Variants in PARPBP observed in about 807,000 individuals in gnomAD.
PARPBP encodes PARP1 binding protein, also known as PCNA-interacting partner.
PARPBP carries 52 observed loss-of-function variants against 50.0 expected under a neutral mutation model. The ratio of observed to expected loss-of-function variants is 1.04; its 90% CI spans 0.83 to 1.31. The LOEUF is 1.31. Among genes scored for constraint, PARPBP ranks in the 50% most tolerant of loss-of-function variants. The pLI, the probability that PARPBP is intolerant of heterozygous loss-of-function variation, is 0.00. For missense variants in PARPBP, 697 were observed against 672.0 expected, an observed-to-expected ratio of 1.04 and a Z score of -0.41; for synonymous variants, 244 against 232.1, an observed-to-expected ratio of 1.05 and a Z score of -0.47.
intron 9 of PARPBP, among the ~76,000 whole-genome samples, 188 bp from the exon 10 acceptor site, chr12:102,195,124 G>T (rs964925322): frequency 4.0e-5 from 6 of 151,500 alleles, no homozygotes; most frequent in Non-Finnish European, 8.9e-5. Flanking sequence ...GAACAAAAAT[G>T]CTAGCCATAA....
intron 2 of PARPBP, among the ~76,000 whole-genome samples, chr12:102,135,703 G>T (rs1883530584): frequency 6.6e-6 from 1 of 152,068 alleles, no homozygotes; most frequent in Non-Finnish European, 1.5e-5. Flanking sequence ...TATAAAGAGG[G>T]TATCTTTCAC....
intron 4 of PARPBP, among the ~76,000 whole-genome samples, chr12:102,162,923 G>C (rs887254432): frequency 6.6e-6 from 1 of 151,412 alleles, no homozygotes; most frequent in South Asian, 2.1e-4. Flanking sequence ...AGAACTCTTT[G>C]CCTTATTCCA....
In PARPBP at chr12:102,165,840, A is replaced by T. The variant is rs769110089; in HGVS notation, c.778A>T (p.Ile260Phe). The change falls in exon 6 of 11, where the codon ATT becomes TTT. Residue 260 changes from isoleucine (I) to phenylalanine (F), a missense_variant. Physicochemically the swap from Ile to Phe is conservative, Grantham distance 21 (BLOSUM62 0). Transcript: ENST00000327680. ...GGGATTGTCTAATTTTATTAATTTC[A>T]TTGACAAATTAGATGAGATTCTTGG... ...VKGLSNFINF[I>F]DKLDEILGEI... 3.8e-6 allele frequency: 6 copies of T among 1,580,650 alleles called. No individual in the cohort carries two copies. The highest frequency in any genetic ancestry group is 5.2e-6 in the Non-Finnish European group (6 of 1,151,072).
chr12:102,126,394 T>G (rs932030142), intron 2 of PARPBP, among the ~76,000 whole-genome samples: 4 of 152,214 alleles, frequency 2.6e-5, no homozygotes, highest in Non-Finnish European at 5.9e-5. Context: ...TTAAAAAAGT[T>G]TTTCTATTTT....
chr12:102,186,025 A>G (rs1206978523), intron 9 of PARPBP, among the ~76,000 whole-genome samples: 1 of 151,998 alleles, frequency 6.6e-6, no homozygotes, highest in Non-Finnish European at 1.5e-5. Flanking sequence ...TTATTTCTTC[A>G]TGGTTCAATC....
chr12:102,162,666 A>C (rs962678026), intron 4 of PARPBP, among the ~76,000 whole-genome samples: 2 of 152,066 alleles, frequency 1.3e-5, no homozygotes, highest in African/African-American at 4.8e-5. Context: ...ACAAAAAATA[A>C]AAACGTTTTG....
chr12:102,182,603 G>A lies in PARPBP; in HGVS notation c.1239G>A (p.Val413=). Reference sequence around the variant, plus strand: ...AACCCCTAAGAGAACGCATCTGTGTGTCAATGCAAGAGAAAAAAATTAAGG... The same window carrying A: ...AACCCCTAAGAGAACGCATCTGTGTATCAATGCAAGAGAAAAAAATTAAGG... ...SIKPLRERIC[V]SMQEKKIKMK... Residue 413 remains valine, a synonymous_variant, in exon 9 of 11, where the codon GTG becomes GTA. Coordinates refer to ENST00000327680, the MANE Select transcript of PARPBP (RefSeq NM_017915.5). 1 of 1,610,582 alleles carries A rather than the reference G, an allele frequency of 6.2e-7. No individual in the cohort carries two copies. The highest frequency in any genetic ancestry group is 8.5e-7 in the Non-Finnish European group (1 of 1,177,690).
At chr12:102,167,103 C>T (rs901036682) in intron 6 of PARPBP, among the ~76,000 whole-genome samples, 7 of 152,064 alleles carry the variant, frequency 4.6e-5, no homozygotes, top group Non-Finnish European at 8.8e-5. Context: ...TGCTTTTGCT[C>T]GTTAGGCCTG....
In PARPBP at chr12:102,151,765, C is replaced by A. The variant is rs767645699; in HGVS notation, c.388-2104C>A. The A allele has an allele frequency of 1.7e-5, 26 of 1,535,554 alleles. No homozygotes were observed. The African/African-American group carries it at 3.3e-4, about 19-fold the overall frequency. On this transcript the variant is annotated intron_variant, in intron 3 of 10. Coordinates refer to ENST00000327680, the MANE Select transcript of PARPBP (RefSeq NM_017915.5). Reference sequence around the variant, plus strand: ...TCCCATCACGGTCCAGAAGAAGAGACGAGACCTGAAGAAGCTGGCAGCTGT... The same window carrying A: ...TCCCATCACGGTCCAGAAGAAGAGAAGAGACCTGAAGAAGCTGGCAGCTGT...
At chr12:102,182,876 G>C (rs530167021) in intron 9 of PARPBP, among the ~76,000 whole-genome samples, 3 of 152,158 alleles carry the variant, frequency 2.0e-5, no homozygotes, top group Non-Finnish European at 4.4e-5. Context: ...AGTTGCTATT[G>C]TAAGTGTTGA....
Position 102,148,218 on chromosome 12 carries a change from T to C in PARPBP, c.154-12T>C. On this transcript the variant is annotated splice_polypyrimidine_tract_variant and intron_variant, in intron 2 of 10. Transcript: ENST00000327680. ...ACTTTATTTTTTTTTTTTTTGGCAT[T>C]ATCTTTTTCAGCACAGTGGAGAATT... 1.7e-6 allele frequency: 2 copies of C among 1,195,338 alleles called. No individual in the cohort carries two copies. The highest frequency in any genetic ancestry group is 2.4e-6 in the Non-Finnish European group (2 of 850,564). The allele number at this position is 1,195,338 out of a possible 1,614,324, so 74.0% of individuals were successfully genotyped here.
intron 2 of PARPBP, among the ~76,000 whole-genome samples, chr12:102,143,234 C>T (rs1884892023): frequency 3.3e-5 from 5 of 152,184 alleles, no homozygotes; most frequent in Admixed American, 3.3e-4. Context: ...CGATCTCAGA[C>T]TAATGTGCTA....
At chr12:102,125,477 TGG>T (rs1881857669) in intron 2 of PARPBP, among the ~76,000 whole-genome samples, 1 of 152,092 alleles carries the variant, frequency 6.6e-6, no homozygotes, top group South Asian at 2.1e-4. Flanking sequence ...GCATTAGCCA[TGG>T]GGATTTTTAT....
chr12:102,151,087 C>T (rs1886123475), intron 3 of PARPBP, among the ~76,000 whole-genome samples: 1 of 148,500 alleles, frequency 6.7e-6, no homozygotes, highest in African/African-American at 2.5e-5. Context: ...TAAGGGTTTC[C>T]AGCAGCCAGA....
chr12:102,154,415 G>A, intron 4 of PARPBP, among the ~76,000 whole-genome samples: 1 of 152,268 alleles, frequency 6.6e-6, no homozygotes, highest in East Asian at 1.9e-4. Flanking sequence ...GAAAAGTAGT[G>A]CCACATACAA....
chr12:102,194,661 G>T (rs1388330515), intron 9 of PARPBP, among the ~76,000 whole-genome samples: 1 of 151,808 alleles, frequency 6.6e-6, no homozygotes, highest in East Asian at 1.9e-4. Flanking sequence ...ATAAATGCAA[G>T]AGTATACTTT....
At chr12:102,137,598 G>A (rs185999561) in intron 2 of PARPBP, among the ~76,000 whole-genome samples, 52 of 151,840 alleles carry the variant, frequency 3.4e-4, no homozygotes, top group African/African-American at 1.0e-3. Context: ...TTGGTGTGCT[G>A]CACCCATTAA....
chr12:102,195,949 A>C lies in PARPBP; in HGVS notation c.1400-2A>C. On this transcript the variant is annotated splice_acceptor_variant, in intron 10 of 10. Coordinates refer to ENST00000327680, the MANE Select transcript of PARPBP (RefSeq NM_017915.5). LOFTEE classifies it high-confidence loss of function. ...CTTTCCCCTTTTTATCTTGCATAACAGAGGGTGTAAATCCATCTGTTGGAA... is the reference window on the plus strand; with the variant it reads ...CTTTCCCCTTTTTATCTTGCATAACCGAGGGTGTAAATCCATCTGTTGGAA... 6.4e-7 allele frequency: 1 copy of C among 1,563,192 alleles called. No individual in the cohort carries two copies. The highest frequency in any genetic ancestry group is 2.2e-5 in the East Asian group (1 of 44,448).
intron 2 of PARPBP, among the ~76,000 whole-genome samples, chr12:102,131,038 A>G (rs1882779134): frequency 6.6e-6 from 1 of 152,102 alleles, no homozygotes. Context: ...TATAATTAAA[A>G]AATCAAAAAG....
Sources: gnomAD v4.1 joint callset for allele counts (sites outside exome capture counted in the v4.1 genomes callset) on GRCh38, gnomAD v4.1.1 for gene constraint, MANE v1.5 for transcripts, NCBI Gene and HGNC (gene_info 2026-07-23, HGNC 2026-07-21) for gene names.